The following SNX29 variants were observed in gnomAD, a reference collection of about 807,000 sequenced individuals.
SNX29 encodes sorting nexin-29.
In SNX29, 78 loss-of-function variants were observed where a neutral mutation model predicts 102.1. The ratio of observed to expected loss-of-function variants is 0.76; its 90% CI spans 0.64 to 0.92. The LOEUF (loss-of-function observed/expected upper bound fraction) is 0.92. Among genes scored for constraint, SNX29 ranks in the 40% least tolerant of loss-of-function variants. SNX29 has a pLI of 0.00. For synonymous variants in SNX29, 580 were observed against 414.5 expected (o/e 1.40, Z -4.85); for missense variants, 1,280 against 1,061.7 (o/e 1.21, Z -2.86).
intron 20 of SNX29, among the ~76,000 whole-genome samples, chr16:12,535,433 G>A (rs2077048063): frequency 6.6e-6 from 1 of 152,186 alleles, no homozygotes; most frequent in Non-Finnish European, 1.5e-5. Flanking sequence ...CGCCTGGCCA[G>A]CTTTTCATTT....
chr16:12,551,065 T>C (rs180800784), intron 20 of SNX29, among the ~76,000 whole-genome samples: 20 of 152,176 alleles, frequency 1.3e-4, no homozygotes, highest in African/African-American at 4.3e-4. Flanking sequence ...AAGTGGGGTG[T>C]TTTCATCTCC....
At chr16:12,372,036 G>A (rs79619773) in intron 16 of SNX29, among the ~76,000 whole-genome samples, 13,975 of 152,198 alleles carry the variant, frequency 0.092, 1,370 homozygotes, top group African/African-American at 0.24. Flanking sequence ...CAACTATCTA[G>A]AGTACAAAAG....
chr16:11,983,693 C>A lies in SNX29; in HGVS notation c.7+6880C>A, dbSNP rs186699340. On this transcript the variant is annotated intron_variant, in intron 1 of 20. Transcript: ENST00000566228. ...CTACTGATGTTGGCTATCTTGCCTC[C>A]TGGTTGCTTGACTCCAGGTAACTGA... is the stretch of plus-strand genomic sequence containing the variant. 100 of 985,368 alleles carry A rather than the reference C, an allele frequency of 1.0e-4. No homozygotes were observed. The East Asian group carries it at 4.1e-3, about 40-fold the overall frequency. 61.0% of individuals were successfully genotyped at this position (985,368 alleles called of 1,614,324 possible). A position where few individuals can be genotyped will look rare whatever the true frequency, so the allele number is the denominator to read the frequency against.
intron 19 of SNX29, among the ~76,000 whole-genome samples, chr16:12,500,082 C>G (rs1377864121): frequency 2.0e-5 from 3 of 152,172 alleles, no homozygotes; most frequent in Non-Finnish European, 2.9e-5. Context: ...GCCTCAAACT[C>G]CTGGGCTTAA....
intron 18 of SNX29, among the ~76,000 whole-genome samples, chr16:12,445,435 C>G (rs1255395855): frequency 1.3e-5 from 2 of 152,192 alleles, no homozygotes; most frequent in South Asian, 4.1e-4. Flanking sequence ...GTGTGCATCT[C>G]CCCAGGAGGC....
intron 4 of SNX29, among the ~76,000 whole-genome samples, chr16:12,039,626 A>T: frequency 6.6e-6 from 1 of 152,016 alleles, no homozygotes; most frequent in East Asian, 1.9e-4. Context: ...TTCAGAGGGG[A>T]CTGTGAGCCT....
intron 12 of SNX29, among the ~76,000 whole-genome samples, chr16:12,128,257 C>G (rs913326967): frequency 2.6e-5 from 4 of 152,174 alleles, no homozygotes; most frequent in Non-Finnish European, 5.9e-5. Flanking sequence ...TTTGTCTTAC[C>G]TTGTGAAGAA....
In SNX29 at chr16:12,566,040, T is replaced by C. The variant is rs143973553; in HGVS notation, c.2319-2466T>C. ...CATGGTGGTGACACAGGTCATGTGT[T>C]TGAATGTTCACTGTTGCCCATTGTC... On this transcript the variant is annotated intron_variant, in intron 20 of 20. Coordinates refer to ENST00000566228, the MANE Select transcript of SNX29 (RefSeq NM_032167.5). Among the ~76,000 whole-genome samples the C allele has an allele frequency of 1.3e-3, 193 of 152,352 alleles. 3 individuals carry two copies. In the South Asian group the frequency reaches 0.015, roughly 12 times the overall value.
intron 19 of SNX29, among the ~76,000 whole-genome samples, chr16:12,510,368 T>G (rs1251749689): frequency 6.6e-6 from 1 of 152,006 alleles, no homozygotes; most frequent in East Asian, 1.9e-4. Flanking sequence ...TCTCAACAGA[T>G]GAGGCCAAAC....
intron 1 of SNX29, among the ~76,000 whole-genome samples, chr16:11,981,423 G>A (rs1418051267): frequency 6.6e-6 from 1 of 152,052 alleles, no homozygotes; most frequent in African/African-American, 2.4e-5. Context: ...TTTCTTGGTG[G>A]TGTTTTTTGA....
At chr16:12,360,443 C>T (rs569699051) in intron 16 of SNX29, among the ~76,000 whole-genome samples, 17 of 152,284 alleles carry the variant, frequency 1.1e-4, no homozygotes, top group African/African-American at 4.1e-4. Flanking sequence ...CTGTCCCTTA[C>T]CTTGCCTTTA....
At chr16:12,433,247 A>G (rs1223284765) in intron 18 of SNX29, among the ~76,000 whole-genome samples, 1 of 152,260 alleles carries the variant, frequency 6.6e-6, no homozygotes, top group East Asian at 1.9e-4. Flanking sequence ...TTGAGGGGAG[A>G]TAATGTCGAT....
chr16:12,218,585 C>G (rs1217531110), intron 14 of SNX29, among the ~76,000 whole-genome samples: 2 of 152,142 alleles, frequency 1.3e-5, no homozygotes, highest in Non-Finnish European at 2.9e-5. Flanking sequence ...GTGTGCTGAT[C>G]CCTGGTCAAC....
intron 4 of SNX29, among the ~76,000 whole-genome samples, chr16:12,035,316 A>G (rs976797896): frequency 1.1e-4 from 17 of 150,492 alleles, no homozygotes; most frequent in Admixed American, 9.4e-4. Flanking sequence ...GGCTCAAGCG[A>G]TCCTCCTACT....
chr16:12,403,359 G>C (rs2084035804), intron 17 of SNX29, 89 bp from the exon 18 acceptor site: 1 of 1,339,320 alleles, frequency 7.5e-7, no homozygotes, highest in African/African-American at 1.5e-5. Context: ...TCTTGGAGTA[G>C]AAAATTGTCT....
chr16:12,530,813 C>G (rs2269448), intron 20 of SNX29, among the ~76,000 whole-genome samples: 41,003 of 152,050 alleles, frequency 0.27, 6,023 homozygotes, highest in East Asian at 0.59. Flanking sequence ...GCCTTGGCCT[C>G]CCAAAGTGCT....
chr16:12,338,095 G>A (rs1301791172), intron 15 of SNX29, among the ~76,000 whole-genome samples: 1 of 152,218 alleles, frequency 6.6e-6, no homozygotes, highest in Admixed American at 6.5e-5. Context: ...CTTAGCATAA[G>A]TAGATTTCTA....
intron 15 of SNX29, among the ~76,000 whole-genome samples, chr16:12,315,888 C>T (rs1307883018): frequency 6.6e-6 from 1 of 152,228 alleles, no homozygotes; most frequent in African/African-American, 2.4e-5. Flanking sequence ...GGAGGCATCT[C>T]TTCTGGGTCA....
chr16:12,333,503 T>C (rs886069324), intron 15 of SNX29, among the ~76,000 whole-genome samples: 6 of 152,080 alleles, frequency 3.9e-5, no homozygotes, highest in Admixed American at 2.6e-4. Context: ...ATTTGATCAA[T>C]TACATCTGAT....
Sources: gnomAD v4.1 joint callset for allele counts (sites outside exome capture counted in the v4.1 genomes callset) on GRCh38, gnomAD v4.1.1 for gene constraint, MANE v1.5 for transcripts, NCBI Gene and HGNC (gene_info 2026-07-23, HGNC 2026-07-21) for gene names.